CAST: variants seen among roughly 807,000 people sequenced by gnomAD.
The protein encoded by CAST is calpastatin, also known as MIR583 host.
A neutral mutation model predicts 119.6 loss-of-function variants in CAST; 76 were observed. The observed-to-expected ratio is 0.64, with a 90% CI of 0.53 to 0.77. The LOEUF (loss-of-function observed/expected upper bound fraction) is 0.77. Ranked by LOEUF, CAST falls within the 30% of genes least tolerant of loss-of-function variation. The probability of loss-of-function intolerance (pLI) is 0.00; values close to 1 mark genes in which losing one functional copy is unlikely to be tolerated. For missense variants in CAST, 953 were observed against 946.5 expected, an observed-to-expected ratio of 1.01 and a Z score of -0.09; for synonymous variants, 319 against 331.6, an observed-to-expected ratio of 0.96 and a Z score of 0.41.
the CAST span, among the ~76,000 whole-genome samples, chr5:96,436,345 A>G: frequency 6.6e-6 from 1 of 152,236 alleles, no homozygotes; most frequent in Admixed American, 6.5e-5. Context: ...CATTTTCTTT[A>G]CATGATACAA....
the CAST span, among the ~76,000 whole-genome samples, chr5:96,432,556 G>C: frequency 6.6e-6 from 1 of 152,236 alleles, no homozygotes; most frequent in Non-Finnish European, 1.5e-5. Flanking sequence ...CCCTGAACAA[G>C]CGTGGAGGGA....
At chr5:96,340,490 T>C in the CAST span, among the ~76,000 whole-genome samples, 1 of 152,208 alleles carries the variant, frequency 6.6e-6, no homozygotes, top group Non-Finnish European at 1.5e-5. Flanking sequence ...TCTTTGGAAC[T>C]GTGGGTTTTT....
At chr5:96,240,927 T>C in the CAST span, among the ~76,000 whole-genome samples, 1 of 152,114 alleles carries the variant, frequency 6.6e-6, no homozygotes, top group Non-Finnish European at 1.5e-5. Flanking sequence ...TTAATTCACA[T>C]ATTGAATACT....
intron 1 of CAST, among the ~76,000 whole-genome samples, chr5:96,555,246 T>C (rs1448275716): frequency 6.6e-6 from 1 of 152,056 alleles, no homozygotes; most frequent in Non-Finnish European, 1.5e-5. Context: ...GTTCGGAGGG[T>C]GGAGCCAAGA....
intron 1 of CAST, among the ~76,000 whole-genome samples, chr5:96,613,926 G>T (rs1048482865): frequency 6.6e-6 from 1 of 152,028 alleles, no homozygotes; most frequent in African/African-American, 2.4e-5. Context: ...TTAATACTGG[G>T]TGCCTTATAC....
the CAST span, chr5:96,423,379 T>C: frequency 1.2e-6 from 2 of 1,613,968 alleles, no homozygotes; most frequent in Non-Finnish European, 1.7e-6. Context: ...TAACAACTCC[T>C]TTGCCCGTAA....
At chr5:96,686,184 CTT>C (rs1267261201) in intron 2 of CAST, among the ~76,000 whole-genome samples, 2 of 150,888 alleles carry the variant, frequency 1.3e-5, no homozygotes, top group Non-Finnish European at 3.0e-5. Context: ...TTTTTTCACT[CTT>C]TATTTCATGA....
At chr5:96,158,781 G>T in the CAST span, among the ~76,000 whole-genome samples, 88 of 152,328 alleles carry the variant, frequency 5.8e-4, 1 homozygote, top group African/African-American at 2.0e-3. Flanking sequence ...ATGAAAAATT[G>T]ATAAATGTGT....
chr5:96,636,529 C>T (rs1747887945), intron 1 of CAST, among the ~76,000 whole-genome samples: 2 of 106,222 alleles, frequency 1.9e-5, no homozygotes, highest in South Asian at 2.9e-4. Flanking sequence ...TTATGGACTA[C>T]CATTTTATTT....
the CAST span, among the ~76,000 whole-genome samples, chr5:96,252,230 A>G: frequency 6.6e-6 from 1 of 152,172 alleles, no homozygotes; most frequent in African/African-American, 2.4e-5. Flanking sequence ...GGTGATGGAA[A>G]GGAAAAAGCC....
the CAST span, among the ~76,000 whole-genome samples, chr5:96,094,011 G>A: frequency 6.6e-6 from 1 of 151,678 alleles, no homozygotes; most frequent in East Asian, 1.9e-4. Context: ...CAGAGCCCTT[G>A]TCTTAAAGGC....
the CAST span, among the ~76,000 whole-genome samples, chr5:96,007,522 A>G: frequency 6.6e-6 from 1 of 152,218 alleles, no homozygotes; most frequent in South Asian, 2.1e-4. Flanking sequence ...GATGGTATCT[A>G]GAGGTGAGCC....
intron 1 of CAST, among the ~76,000 whole-genome samples, chr5:96,672,842 G>C (rs1182631374): frequency 6.6e-6 from 1 of 151,892 alleles, no homozygotes; most frequent in Non-Finnish European, 1.5e-5. Flanking sequence ...TCTATTGTGA[G>C]CAACTTTTTC....
chr5:96,087,635 T>C, the CAST span, among the ~76,000 whole-genome samples: 5 of 152,172 alleles, frequency 3.3e-5, no homozygotes, highest in Non-Finnish European at 5.9e-5. Flanking sequence ...AATCAATCAA[T>C]CACTCAATCA....
chr5:96,770,367 C>CT, intron 29 of CAST, 164 bp from the exon 30 acceptor site: 1 of 578,748 alleles, frequency 1.7e-6, no homozygotes, highest in Non-Finnish European at 3.1e-6. Flanking sequence ...AAACAATTCT[C>CT]TGACACCGTT....
the CAST span, among the ~76,000 whole-genome samples, chr5:96,007,480 C>T: frequency 1.3e-5 from 2 of 152,152 alleles, no homozygotes; most frequent in Non-Finnish European, 2.9e-5. Context: ...ATCTCCCTAA[C>T]ATTGCTATAT....
chr5:96,667,730 G>A (rs1232168118), intron 1 of CAST, among the ~76,000 whole-genome samples: 1 of 11,076 alleles, frequency 9.0e-5, no homozygotes, highest in South Asian at 4.8e-3. Context: ...AGAGTATAAT[G>A]AGGCTGGGTG....
chr5:96,375,314 C>A, the CAST span, among the ~76,000 whole-genome samples: 2 of 151,928 alleles, frequency 1.3e-5, no homozygotes, highest in Non-Finnish European at 2.9e-5. Flanking sequence ...CAAGAAATAG[C>A]ATTAAGGGAA....
the CAST span, among the ~76,000 whole-genome samples, chr5:96,189,282 G>A: frequency 6.6e-6 from 1 of 152,070 alleles, no homozygotes; most frequent in Non-Finnish European, 1.5e-5. Flanking sequence ...TGAGGGGGAG[G>A]GCTAGGTGGA....
Sources: gnomAD v4.1 joint callset for allele counts (sites outside exome capture counted in the v4.1 genomes callset) on GRCh38, gnomAD v4.1.1 for gene constraint, MANE v1.5 for transcripts, NCBI Gene and HGNC (gene_info 2026-07-23, HGNC 2026-07-21) for gene names.